CCSER1: variants seen among roughly 807,000 people sequenced by gnomAD.
CCSER1 encodes the protein coiled-coil serine rich protein 1.
Under a neutral mutation model 82.0 loss-of-function variants are expected in CCSER1, and 41 were observed. The observed-to-expected ratio is 0.50, with a 90% CI of 0.39 to 0.65. CCSER1 has a LOEUF of 0.65. Ranked by LOEUF, CCSER1 falls within the 30% of genes least tolerant of loss-of-function variation. CCSER1 has a pLI of 0.00. For synonymous variants in CCSER1, 414 were observed against 383.9 expected, an observed-to-expected ratio of 1.08 and a Z score of -0.92; for missense variants, 1,119 against 1,064.2, an observed-to-expected ratio of 1.05 and a Z score of -0.72.
intron 10 of CCSER1, among the ~76,000 whole-genome samples, chr4:91,594,522 C>A (rs1305941751): frequency 6.6e-6 from 1 of 150,392 alleles, no homozygotes. Flanking sequence ...ATCTATCTAT[C>A]TTAGATTCCC....
chr4:91,442,747 A>G (rs1755266112), intron 10 of CCSER1, among the ~76,000 whole-genome samples: 1 of 144,890 alleles, frequency 6.9e-6, no homozygotes, highest in African/African-American at 2.5e-5. Context: ...AATATCCAGA[A>G]TCTACAATGA....
At chr4:90,500,705 C>G (rs905876504) in intron 5 of CCSER1, among the ~76,000 whole-genome samples, 54 of 151,966 alleles carry the variant, frequency 3.6e-4, no homozygotes, top group African/African-American at 1.3e-3. Context: ...GGAAGAGAAG[C>G]AGCCAAGAAA....
intron 9 of CCSER1, among the ~76,000 whole-genome samples, chr4:90,927,832 G>A (rs980593679): frequency 6.6e-6 from 1 of 151,984 alleles, no homozygotes; most frequent in African/African-American, 2.4e-5. Context: ...GAATAAGAAT[G>A]ATTAGTTTTT....
intron 9 of CCSER1, among the ~76,000 whole-genome samples, chr4:91,047,794 A>G (rs1742641434): frequency 6.6e-6 from 1 of 152,176 alleles, no homozygotes; most frequent in African/African-American, 2.4e-5. Flanking sequence ...TGAGGAAGCA[A>G]CCAAATTCTT....
At chr4:91,339,131 T>A (rs564172504) in intron 10 of CCSER1, among the ~76,000 whole-genome samples, 1 of 152,272 alleles carries the variant, frequency 6.6e-6, no homozygotes, top group African/African-American at 2.4e-5. Context: ...GAAGGAATTT[T>A]GGTATAGGAA....
At position 90,402,853 on chromosome 4, in the gene CCSER1, A is replaced by T. The variant is rs192807053; in HGVS notation, c.1603+2724A>T. On this transcript the variant is annotated intron_variant, in intron 4 of 10. Transcript: ENST00000509176. The stretch of plus-strand genomic sequence containing the variant: ...AATTTATTTTAAATAAAAATGAAAT[A>T]ATTTTTACAATGAATCTCTTGAGTC... 2.4e-3 allele frequency among the ~76,000 whole-genome samples: 358 copies of T among 152,332 alleles called. 4 individuals are homozygous for T. The highest frequency in any genetic ancestry group is 4.1e-3 in the Non-Finnish European group (280 of 68,024).
intron 1 of CCSER1, among the ~76,000 whole-genome samples, chr4:90,168,688 A>C (rs1367897313): frequency 2.0e-5 from 3 of 152,004 alleles, no homozygotes; most frequent in Non-Finnish European, 4.4e-5. Flanking sequence ...TCAGCTTTCT[A>C]CATATGGCTA....
intron 9 of CCSER1, among the ~76,000 whole-genome samples, chr4:90,983,882 A>C (rs891172175): frequency 6.6e-6 from 1 of 151,786 alleles, no homozygotes; most frequent in Non-Finnish European, 1.5e-5. Context: ...TTGGCACATA[A>C]TCACACACTG....
chr4:90,648,880 C>A (rs767237674), intron 6 of CCSER1, among the ~76,000 whole-genome samples: 3 of 152,122 alleles, frequency 2.0e-5, no homozygotes, highest in Non-Finnish European at 2.9e-5. Flanking sequence ...ATATGGGGAA[C>A]CTTAGGACTT....
intron 10 of CCSER1, among the ~76,000 whole-genome samples, chr4:91,252,894 A>G (rs998627679): frequency 6.6e-6 from 1 of 152,238 alleles, no homozygotes; most frequent in Admixed American, 6.5e-5. Context: ...ACAAGTAAGC[A>G]TAAGGCATAT....
chr4:90,390,272 CTG>C (rs1290956305), intron 3 of CCSER1, among the ~76,000 whole-genome samples: 3 of 152,078 alleles, frequency 2.0e-5, no homozygotes, highest in Admixed American at 2.0e-4. Flanking sequence ...CAAATGAGAA[CTG>C]TATTTTTCAT....
intron 6 of CCSER1, among the ~76,000 whole-genome samples, chr4:90,657,676 T>A (rs1410142595): frequency 6.6e-6 from 1 of 152,270 alleles, no homozygotes; most frequent in Non-Finnish European, 1.5e-5. Flanking sequence ...CTAATAAGAT[T>A]TAAATTTCAA....
At chr4:90,681,944 C>T (rs867475154) in intron 6 of CCSER1, among the ~76,000 whole-genome samples, 3 of 151,192 alleles carry the variant, frequency 2.0e-5, no homozygotes, top group Admixed American at 6.6e-5. Context: ...CTAGTATTGC[C>T]GTAAGAAAAC....
At chr4:90,927,397 G>A (rs1458243358) in intron 9 of CCSER1, among the ~76,000 whole-genome samples, 1 of 151,810 alleles carries the variant, frequency 6.6e-6, no homozygotes, top group African/African-American at 2.4e-5. Flanking sequence ...GATGTTATCA[G>A]GTATTTCATT....
chr4:91,120,870 AT>A (rs1043054206), intron 10 of CCSER1, among the ~76,000 whole-genome samples: 5 of 151,854 alleles, frequency 3.3e-5, no homozygotes, highest in Non-Finnish European at 7.4e-5. Flanking sequence ...AAATCAGGGG[AT>A]GTGTTTCAAG....
intron 5 of CCSER1, among the ~76,000 whole-genome samples, chr4:90,536,082 G>A (rs1221322929): frequency 6.9e-6 from 1 of 144,864 alleles, no homozygotes; most frequent in Non-Finnish European, 1.5e-5. Flanking sequence ...GCCCAGGCTG[G>A]AGTGCAGTGG....
intron 10 of CCSER1, among the ~76,000 whole-genome samples, chr4:91,384,359 C>T (rs1176236214): frequency 6.6e-6 from 1 of 151,924 alleles, no homozygotes; most frequent in African/African-American, 2.4e-5. Flanking sequence ...TTTAAAGAAA[C>T]ACACTGATAA....
intron 10 of CCSER1, among the ~76,000 whole-genome samples, chr4:91,488,168 C>T (rs941386912): frequency 7.2e-5 from 11 of 151,978 alleles, no homozygotes; most frequent in African/African-American, 1.9e-4. Flanking sequence ...TTTATTTGTT[C>T]GCATAAGCGG....
intron 1 of CCSER1, among the ~76,000 whole-genome samples, chr4:90,261,509 T>C (rs757595769): frequency 6.6e-6 from 1 of 152,188 alleles, no homozygotes; most frequent in Non-Finnish European, 1.5e-5. Context: ...TACCTGATGC[T>C]TTTGTCTCAC....
Sources: gnomAD v4.1 joint callset for allele counts (sites outside exome capture counted in the v4.1 genomes callset) on GRCh38, gnomAD v4.1.1 for gene constraint, MANE v1.5 for transcripts, NCBI Gene and HGNC (gene_info 2026-07-23, HGNC 2026-07-21) for gene names.